Variants in CDYL observed in about 807,000 individuals in gnomAD.
CDYL encodes chromodomain Y like.
CDYL carries 8 observed loss-of-function variants against 47.3 expected under a neutral mutation model. The ratio of observed to expected loss-of-function variants is 0.17; its 90% CI spans 0.10 to 0.31. The LOEUF is 0.31. Ranked by LOEUF, CDYL falls within the 10% of genes least tolerant of loss-of-function variation. The probability of loss-of-function intolerance (pLI) is 1.00; values close to 1 mark genes in which losing one functional copy is unlikely to be tolerated. For missense variants in CDYL, 471 were observed against 701.4 expected, an observed-to-expected ratio of 0.67 and a Z score of 3.71; for synonymous variants, 266 against 265.0, an observed-to-expected ratio of 1.00 and a Z score of -0.04.
chr6:4,899,363 T>C (rs940127727), intron 2 of CDYL, among the ~76,000 whole-genome samples: 1 of 152,128 alleles, frequency 6.6e-6, no homozygotes, highest in Admixed American at 6.5e-5. Flanking sequence ...TCCCAAGAGG[T>C]CTCCACACAA....
Position 4,941,380 on chromosome 6 carries a change from A to G in CDYL, c.1122-2166A>G, listed in dbSNP as rs970652860. On this transcript the variant is annotated intron_variant, in intron 4 of 6. Transcript: ENST00000397588. The stretch of plus-strand genomic sequence containing the variant: ...TGGGAAGTTTCTACTAGGCAGAGAA[A>G]GCATTTCTGTAAAGGTTTTCTTTTT... 1.3e-5 allele frequency among the ~76,000 whole-genome samples: 2 copies of G among 152,232 alleles called. 1 individual carries two copies. Among genetic ancestry groups the G allele is most frequent in the South Asian group, 4.1e-4 (2 of 4,832 alleles).
intron 2 of CDYL, among the ~76,000 whole-genome samples, chr6:4,925,977 T>A (rs941239319): frequency 4.6e-5 from 7 of 152,344 alleles, no homozygotes; most frequent in South Asian, 4.1e-4. Flanking sequence ...TAGGTAGATT[T>A]CATTCATTAT....
chr6:4,707,643 T>TA (rs1341777911), intron 1 of CDYL, among the ~76,000 whole-genome samples: 3 of 152,206 alleles, frequency 2.0e-5, no homozygotes, highest in African/African-American at 2.4e-5. Flanking sequence ...TTCAAGACCT[T>TA]AAAAAATCAG....
intron 6 of CDYL, 108 bp downstream of exon 6, chr6:4,952,517 A>AAC: frequency 8.2e-7 from 1 of 1,226,004 alleles, no homozygotes; most frequent in Non-Finnish European, 1.1e-6. Context: ...GTTTGTCCTC[A>AAC]ACAGAGCACC....
intron 1 of CDYL, among the ~76,000 whole-genome samples, chr6:4,712,561 T>C (rs900724275): frequency 6.6e-6 from 1 of 152,186 alleles, no homozygotes; most frequent in African/African-American, 2.4e-5. Context: ...CGAAGGACAC[T>C]TGTGACAGGA....
intron 5 of CDYL, among the ~76,000 whole-genome samples, chr6:4,945,874 G>A (rs1758498892): frequency 6.6e-6 from 1 of 152,254 alleles, no homozygotes; most frequent in Non-Finnish European, 1.5e-5. Flanking sequence ...GCACCACCCT[G>A]AGGCACCCCA....
chr6:4,735,583 G>A (rs1312415473), intron 3 of CDYL, among the ~76,000 whole-genome samples: 2 of 151,984 alleles, frequency 1.3e-5, no homozygotes, highest in African/African-American at 4.8e-5. Context: ...GGCCAACATG[G>A]TGAAACCCCA....
At chr6:4,914,255 A>C (rs1321505475) in intron 2 of CDYL, among the ~76,000 whole-genome samples, 1 of 150,678 alleles carries the variant, frequency 6.6e-6, no homozygotes, top group Non-Finnish European at 1.5e-5. Flanking sequence ...TAGTAGATCA[A>C]CAGGGTTTGC....
At chr6:4,937,494 CAA>C in intron 3 of CDYL, 69 bp from the exon 4 acceptor site, 34 of 1,141,134 alleles carry the variant, frequency 3.0e-5, no homozygotes, top group South Asian at 5.7e-5. Flanking sequence ...AGACTCTCTC[CAA>C]AAAAAAAAAT....
At chr6:4,818,956 G>A (rs1223110191) in intron 1 of CDYL, among the ~76,000 whole-genome samples, 2 of 152,126 alleles carry the variant, frequency 1.3e-5, no homozygotes, top group African/African-American at 2.4e-5. Flanking sequence ...ATGCAGGTGC[G>A]GTGTCACTGC....
At chr6:4,917,518 A>AGCTT (rs1757591636) in intron 2 of CDYL, among the ~76,000 whole-genome samples, 1 of 152,254 alleles carries the variant, frequency 6.6e-6, no homozygotes, top group Non-Finnish European at 1.5e-5. Flanking sequence ...CCTCATTATG[A>AGCTT]TAGCAGTTGA....
chr6:4,863,803 A>G (rs1761242063), intron 1 of CDYL, among the ~76,000 whole-genome samples: 1 of 152,238 alleles, frequency 6.6e-6, no homozygotes, highest in Admixed American at 6.5e-5. Context: ...CATTGGAATA[A>G]ACCTGTATCC....
At chr6:4,842,136 AATT>A (rs1408535568) in intron 1 of CDYL, among the ~76,000 whole-genome samples, 2 of 144,024 alleles carry the variant, frequency 1.4e-5, no homozygotes, top group East Asian at 2.0e-4. Context: ...GTTAATATAA[AATT>A]ATATTACTTA....
At chr6:4,707,057 C>T (rs1442559668) in intron 1 of CDYL, among the ~76,000 whole-genome samples, 1 of 152,040 alleles carries the variant, frequency 6.6e-6, no homozygotes, top group African/African-American at 2.4e-5. Context: ...CAATAAGGGC[C>T]TCAATCAGGT....
At chr6:4,900,305 A>G (rs559718280) in intron 2 of CDYL, among the ~76,000 whole-genome samples, 13 of 152,320 alleles carry the variant, frequency 8.5e-5, no homozygotes, top group African/African-American at 1.9e-4. Flanking sequence ...TAAACTTTAT[A>G]TAAATATGAT....
intron 3 of CDYL, among the ~76,000 whole-genome samples, chr6:4,761,558 G>A (rs1758176343): frequency 6.6e-6 from 1 of 151,528 alleles, no homozygotes; most frequent in Non-Finnish European, 1.5e-5. Context: ...TGGCCAGGCT[G>A]GTCTTGAACT....
At chr6:4,837,395 C>T (rs1760349792) in intron 1 of CDYL, among the ~76,000 whole-genome samples, 1 of 151,320 alleles carries the variant, frequency 6.6e-6, no homozygotes, top group Admixed American at 6.6e-5. Flanking sequence ...AAGTAAACGT[C>T]AGTGCGTTAC....
chr6:4,937,109 C>A (rs1287018459), intron 3 of CDYL, among the ~76,000 whole-genome samples: 1 of 152,210 alleles, frequency 6.6e-6, no homozygotes, highest in Non-Finnish European at 1.5e-5. Flanking sequence ...GTAATCCCAG[C>A]ACTTTGGGAG....
intron 1 of CDYL, among the ~76,000 whole-genome samples, chr6:4,876,448 TC>T (rs767492497): frequency 1.3e-5 from 2 of 152,236 alleles, no homozygotes; most frequent in South Asian, 2.1e-4. Context: ...CATTTTAAAA[TC>T]CTACCAACGA....
Sources: gnomAD v4.1 joint callset for allele counts (sites outside exome capture counted in the v4.1 genomes callset) on GRCh38, gnomAD v4.1.1 for gene constraint, MANE v1.5 for transcripts, NCBI Gene and HGNC (gene_info 2026-07-23, HGNC 2026-07-21) for gene names.